Variants in RANBP17 observed in about 807,000 individuals in gnomAD.
The protein encoded by RANBP17 is ran-binding protein 17.
A neutral mutation model predicts 141.2 loss-of-function variants in RANBP17; 158 were observed. That is an observed-to-expected ratio of 1.12 (90% confidence interval 0.98 to 1.28). RANBP17 has a LOEUF of 1.28. Ranked by LOEUF, RANBP17 falls within the 50% of genes most tolerant of loss-of-function variation. The probability of loss-of-function intolerance (pLI) is 0.00; values close to 1 mark genes in which losing one functional copy is unlikely to be tolerated. For synonymous variants in RANBP17, 430 were observed against 450.0 expected (o/e 0.96, Z 0.56); for missense variants, 1,438 against 1,290.7 (o/e 1.11, Z -1.75).
chr5:171,256,611 A>G (rs542041710), intron 24 of RANBP17, among the ~76,000 whole-genome samples: 1 of 152,306 alleles, frequency 6.6e-6, no homozygotes, highest in African/African-American at 2.4e-5. Context: ...AAAAATACAA[A>G]GGATCAACAA....
chr5:170,897,359 C>CT (rs931125019), intron 5 of RANBP17: 8,640 of 374,624 alleles, frequency 0.023, no homozygotes, highest in South Asian at 0.033. Context: ...TCTTCTTCTT[C>CT]TTTTTTTTTT....
Position 170,918,740 on chromosome 5 carries a change from G to T in RANBP17, c.982G>T (p.Glu328Ter), listed in dbSNP as rs770890276. The T allele has an allele frequency of 4.4e-6, 7 of 1,606,238 alleles. No homozygotes were observed. The highest frequency in any genetic ancestry group is 1.3e-5 in the African/African-American group (1 of 74,406). Residue 328 changes from glutamate to a stop codon, truncating the protein, a stop_gained, in exon 10 of 28, where the codon GAA (glutamate) becomes TAA (stop). Transcript: ENST00000523189. LOFTEE classifies it high-confidence loss of function. ...TTTGTCTGATCCAGGTAATTATCAT[G>T]AATTTTGTCGATTTTTGGCTCGTTT... ...QGLSDPGNYH[E>*]FCRFLARLKT...
chr5:171,205,652 A>AGAGGGATGCCAG, intron 20 of RANBP17, 40 bp downstream of exon 20: 1 of 1,506,408 alleles, frequency 6.6e-7, no homozygotes, highest in East Asian at 2.3e-5. Context: ...CTCTGTGCAC[A>AGAGGGATGCCAG]GAGGGATGCC....
At chr5:171,060,253 G>A in intron 14 of RANBP17, among the ~76,000 whole-genome samples, 1 of 99,770 alleles carries the variant, frequency 1.0e-5, no homozygotes, top group Non-Finnish European at 2.2e-5. Flanking sequence ...AGTTTTCAAA[G>A]GGAATGCTCC....
intron 14 of RANBP17, among the ~76,000 whole-genome samples, chr5:171,065,362 A>G (rs887293871): frequency 1.3e-5 from 2 of 152,150 alleles, no homozygotes; most frequent in East Asian, 1.9e-4. Flanking sequence ...ATCAGGCATC[A>G]CTTAGATTCT....
chr5:171,171,211 C>G lies in RANBP17; in HGVS notation c.1790C>G (p.Thr597Arg), dbSNP rs747480763. ...AGACTTTTTTTCATATTTAGTGTTA[C>G]AAACCTTAAATACTGGGGAAGATAT... ...VLETFMTKIV[T>R]NLKYWGRYEP... The change falls in exon 16 of 28, where the codon ACA becomes AGA. Residue 597 changes from threonine (T) to arginine (R), a missense_variant. Transcript: ENST00000523189. 5 of 1,568,808 alleles carry G rather than the reference C, an allele frequency of 3.2e-6. No homozygotes were observed. Among genetic ancestry groups the G allele is most frequent in the East Asian group, 2.3e-5 (1 of 44,374 alleles).
At chr5:171,198,024 G>A (rs897872273) in intron 18 of RANBP17, among the ~76,000 whole-genome samples, 2 of 152,218 alleles carry the variant, frequency 1.3e-5, no homozygotes, top group African/African-American at 2.4e-5. Flanking sequence ...GGATGACAGA[G>A]CAAGACTCCG....
intron 26 of RANBP17, among the ~76,000 whole-genome samples, chr5:171,294,304 C>CT (rs906065670): frequency 1.3e-5 from 2 of 152,174 alleles, no homozygotes; most frequent in African/African-American, 4.8e-5. Context: ...AGCAACAACC[C>CT]TTTTTGCCTT....
At chr5:170,971,649 T>C (rs982798767) in intron 14 of RANBP17, among the ~76,000 whole-genome samples, 2 of 152,216 alleles carry the variant, frequency 1.3e-5, no homozygotes, top group African/African-American at 4.8e-5. Context: ...TAAAGAAGAA[T>C]GACATTGAAT....
chr5:171,058,599 T>G (rs563274528), intron 14 of RANBP17, among the ~76,000 whole-genome samples: 137 of 150,614 alleles, frequency 9.1e-4, no homozygotes, highest in Middle Eastern at 3.4e-3. Flanking sequence ...CTTTGCTATT[T>G]TGAATAGTGC....
intron 14 of RANBP17, among the ~76,000 whole-genome samples, chr5:171,057,839 G>C (rs1003822215): frequency 3.7e-4 from 57 of 152,042 alleles, no homozygotes; most frequent in Admixed American, 2.7e-3. Context: ...ACTATCACAA[G>C]AACAGCATGG....
At chr5:171,261,163 C>T (rs188496746) in intron 24 of RANBP17, among the ~76,000 whole-genome samples, 34 of 116,752 alleles carry the variant, frequency 2.9e-4, no homozygotes, top group Admixed American at 2.3e-3. Context: ...TGGATTGAAA[C>T]AGCCAGGAAA....
intron 12 of RANBP17, among the ~76,000 whole-genome samples, chr5:170,930,379 T>C (rs927487703): frequency 3.3e-5 from 5 of 151,488 alleles, no homozygotes; most frequent in African/African-American, 1.2e-4. Context: ...TTATTACTTT[T>C]TTCTAATCTT....
Position 170,919,992 on chromosome 5 carries a change from A to T in RANBP17, c.1274+379A>T, listed in dbSNP as rs573506608. ...TTGAGAGATTCCTCTGTGTTGTGTT[A>T]GTACTTTACTTTCATTGCTGAGTAG... On this transcript the variant is annotated intron_variant, in intron 11 of 27. Transcript: ENST00000523189. 1.3e-3 allele frequency among the ~76,000 whole-genome samples: 198 copies of T among 152,118 alleles called. 1 individual carries two copies. Among genetic ancestry groups the T allele is most frequent in the South Asian group, 1.9e-3 (9 of 4,822 alleles).
intron 14 of RANBP17, among the ~76,000 whole-genome samples, chr5:171,144,372 AAAAG>A (rs1016010011): frequency 3.9e-5 from 6 of 152,126 alleles, no homozygotes; most frequent in East Asian, 1.9e-4. Context: ...ATCTCAAAAA[AAAAG>A]AAAGAAAGAA....
chr5:171,066,818 A>T (rs1218763663), intron 14 of RANBP17, among the ~76,000 whole-genome samples: 2 of 152,132 alleles, frequency 1.3e-5, no homozygotes, highest in Non-Finnish European at 2.9e-5. Context: ...ATCTTTTTTA[A>T]AAAAAGTTCA....
chr5:171,003,663 A>G (rs1282244990), intron 14 of RANBP17, among the ~76,000 whole-genome samples: 2 of 152,206 alleles, frequency 1.3e-5, no homozygotes, highest in Non-Finnish European at 2.9e-5. Flanking sequence ...GTAGAAGGTC[A>G]TCAGTATATT....
At chr5:170,905,765 C>T (rs1581112850) in intron 5 of RANBP17, among the ~76,000 whole-genome samples, 1 of 151,990 alleles carries the variant, frequency 6.6e-6, no homozygotes, top group Non-Finnish European at 1.5e-5. Flanking sequence ...GTATGATAAC[C>T]TCATGTACTT....
At chr5:171,019,378 G>A (rs904686904) in intron 14 of RANBP17, among the ~76,000 whole-genome samples, 2 of 152,016 alleles carry the variant, frequency 1.3e-5, no homozygotes, top group African/African-American at 2.4e-5. Context: ...CTGTGAATCC[G>A]TCTGGTTCTG....
Sources: gnomAD v4.1 joint callset for allele counts (sites outside exome capture counted in the v4.1 genomes callset) on GRCh38, gnomAD v4.1.1 for gene constraint, MANE v1.5 for transcripts, NCBI Gene and HGNC (gene_info 2026-07-23, HGNC 2026-07-21) for gene names.